Variants in GALC observed in about 807,000 individuals in gnomAD.
GALC encodes the protein galactosylceramidase.
In GALC, 77 loss-of-function variants were observed where a neutral mutation model predicts 91.8. The ratio of observed to expected loss-of-function variants is 0.84; its 90% CI spans 0.70 to 1.01. The LOEUF (loss-of-function observed/expected upper bound fraction) is 1.01, where lower values mean the gene tolerates loss of function less well. Among genes scored for constraint, GALC ranks in the 50% least tolerant of loss-of-function variants. GALC has a pLI of 0.00. For missense variants in GALC, 882 were observed against 855.9 expected (o/e 1.03, Z -0.38); for synonymous variants, 357 against 306.7 (o/e 1.16, Z -1.71).
intron 15 of GALC, among the ~76,000 whole-genome samples, chr14:87,940,657 C>A (rs2139939338): frequency 6.6e-6 from 1 of 152,040 alleles, no homozygotes; most frequent in Admixed American, 6.6e-5. Flanking sequence ...GTTCTAATAT[C>A]CTTACTACCT....
intron 13 of GALC, among the ~76,000 whole-genome samples, 193 bp from the exon 14 acceptor site, chr14:87,945,926 A>G (rs1481828181): frequency 1.3e-5 from 2 of 152,084 alleles, no homozygotes; most frequent in Non-Finnish European, 2.9e-5. Context: ...TATCAAGATG[A>G]TGAGTTCGAC....
intron 4 of GALC, among the ~76,000 whole-genome samples, chr14:87,985,565 C>A (rs1464404962): frequency 1.3e-5 from 2 of 152,168 alleles, no homozygotes; most frequent in Non-Finnish European, 2.9e-5. Flanking sequence ...GAATCTCTTA[C>A]AAAAGCCCAT....
chr14:87,981,108 A>G (rs1400083367), intron 6 of GALC: 1 of 152,258 alleles, frequency 6.6e-6, no homozygotes, highest in Non-Finnish European at 1.5e-5. Context: ...TATGTATACA[A>G]TGGAGTACTA....
At chr14:87,952,691 T>C in intron 10 of GALC, 1 of 1,508,378 alleles carries the variant, frequency 6.6e-7, no homozygotes, top group African/African-American at 1.4e-5. Flanking sequence ...CAGAATCTAT[T>C]GGTCTCCAGA....
chr14:87,955,659 T>C (rs1885503757), intron 10 of GALC, among the ~76,000 whole-genome samples: 1 of 152,122 alleles, frequency 6.6e-6, no homozygotes, highest in African/African-American at 2.4e-5. Flanking sequence ...AACCTCTGTT[T>C]AGACAAGTTC....
intron 7 of GALC, among the ~76,000 whole-genome samples, chr14:87,973,506 T>C (rs979803875): frequency 2.6e-5 from 4 of 152,196 alleles, no homozygotes; most frequent in Admixed American, 6.6e-5. Context: ...CAGTTAAAAC[T>C]TGTAGCTGTC....
intron 7 of GALC, 54 bp from the exon 8 acceptor site, chr14:87,968,544 T>A (rs1443864101): frequency 2.0e-6 from 3 of 1,526,934 alleles, no homozygotes; most frequent in Non-Finnish European, 2.7e-6. Context: ...GTGGCACTTA[T>A]ATACGTATAG....
chr14:87,970,861 G>A (rs1232798450), intron 7 of GALC, among the ~76,000 whole-genome samples: 16 of 129,132 alleles, frequency 1.2e-4, no homozygotes, highest in Non-Finnish European at 2.2e-4. Context: ...AGAGGACAGA[G>A]TGAGACTCTG....
chr14:87,935,860 A>G lies in GALC; in HGVS notation c.1912-982T>C, dbSNP rs1884547274. ...TGAGGCTTAATAGATTAAAGCTCAA[A>G]GTCACAGGTTTTCACTCCAAGTTAC... is the stretch of plus-strand genomic sequence containing the variant. On this transcript the variant is annotated intron_variant, in intron 16 of 16. Transcript: ENST00000261304. 4.6e-5 allele frequency among the ~76,000 whole-genome samples: 7 copies of G among 152,066 alleles called. No individual in the cohort carries two copies. The South Asian group carries it at 1.5e-3, about 32-fold the overall frequency.
chr14:87,947,693 A>C, intron 13 of GALC, 35 bp downstream of exon 13: 2 of 1,593,996 alleles, frequency 1.3e-6, no homozygotes, highest in Non-Finnish European at 8.6e-7. Flanking sequence ...TGTTAAATAT[A>C]GAGACCAAGT....
Position 87,941,441 on chromosome 14 carries a change from G to A in GALC, c.1788C>T (p.Phe596=), listed in dbSNP as rs115018138. 1.1e-3 allele frequency: 1,847 copies of A among 1,607,910 alleles called. 17 individuals carry two copies. The African/African-American group carries it at 0.022, about 19-fold the overall frequency. Residue 596 remains phenylalanine (F), a synonymous_variant, in exon 15 of 17, where the codon TTC becomes TTT. Transcript: ENST00000261304. ...AAGATCCATTTGCAAAAATCCAGAAGAAAATTCCTCTGGCACTTCTAATCA... is the reference window on the plus strand; with the variant it reads ...AAGATCCATTTGCAAAAATCCAGAAAAAAATTCCTCTGGCACTTCTAATCA... The part of the protein sequence containing the change: ...GILIRSARGI[F]FWIFANGSYR...
chr14:87,969,310 C>G (rs953173907), intron 7 of GALC, among the ~76,000 whole-genome samples: 1 of 152,104 alleles, frequency 6.6e-6, no homozygotes, highest in African/African-American at 2.4e-5. Flanking sequence ...AAAAAATTAT[C>G]CATTGAAAAT....
chr14:87,968,034 T>C (rs185256036), intron 8 of GALC, among the ~76,000 whole-genome samples: 6 of 152,270 alleles, frequency 3.9e-5, no homozygotes, highest in Non-Finnish European at 8.8e-5. Flanking sequence ...TCCTTACATA[T>C]ACTATTTACT....
intron 7 of GALC, among the ~76,000 whole-genome samples, chr14:87,974,143 T>A (rs1168216168): frequency 6.6e-6 from 1 of 152,156 alleles, no homozygotes; most frequent in African/African-American, 2.4e-5. Flanking sequence ...ACTCATTCAT[T>A]AAAATATAAA....
intron 9 of GALC, among the ~76,000 whole-genome samples, chr14:87,963,800 C>A (rs568495361): frequency 1.3e-5 from 2 of 151,854 alleles, no homozygotes; most frequent in Non-Finnish European, 2.9e-5. Context: ...TATTCCCCCC[C>A]CAAACTTGGT....
intron 7 of GALC, among the ~76,000 whole-genome samples, chr14:87,969,843 T>A (rs998563126): frequency 1.3e-5 from 2 of 152,146 alleles, no homozygotes; most frequent in East Asian, 3.8e-4. Context: ...CAGGATTTCA[T>A]GAGTAAGAAA....
intron 12 of GALC, among the ~76,000 whole-genome samples, 166 bp downstream of exon 12, chr14:87,949,679 T>C (rs930657220): frequency 8.6e-5 from 13 of 151,956 alleles, no homozygotes; most frequent in African/African-American, 3.1e-4. Flanking sequence ...GGAAGCCAGG[T>C]GATGGCGTCA....
intron 2 of GALC, 117 bp downstream of exon 2, chr14:87,988,338 A>G: frequency 8.0e-7 from 1 of 1,247,980 alleles, no homozygotes; most frequent in Admixed American, 1.7e-5. Context: ...TTATTCCAAA[A>G]GTAATGTGCC....
At chr14:87,944,744 C>G (rs1447011890) in intron 14 of GALC, among the ~76,000 whole-genome samples, 1 of 152,102 alleles carries the variant, frequency 6.6e-6, no homozygotes, top group East Asian at 1.9e-4. Context: ...TAAACACTTT[C>G]TGCACACTCC....
Sources: allele counts gnomAD v4.1 joint callset (sites outside exome capture counted in the v4.1 genomes callset), GRCh38; gene constraint gnomAD v4.1.1; transcripts MANE v1.5; gene names NCBI Gene and HGNC (gene_info 2026-07-23, HGNC 2026-07-21).